Variants in CDH12 observed in about 807,000 individuals in gnomAD.
The protein encoded by CDH12 is cadherin 12, also known as cadherin-12.
In CDH12, 41 loss-of-function variants were observed where a neutral mutation model predicts 74.1. The ratio of observed to expected loss-of-function variants is 0.55; its 90% CI spans 0.43 to 0.72. CDH12 has a LOEUF of 0.72. Ranked by LOEUF, CDH12 falls within the 30% of genes least tolerant of loss-of-function variation. CDH12 has a pLI of 0.00. For synonymous variants in CDH12, 399 were observed against 355.0 expected, an observed-to-expected ratio of 1.12 and a Z score of -1.39; for missense variants, 945 against 977.2, an observed-to-expected ratio of 0.97 and a Z score of 0.44.
intron 3 of CDH12, among the ~76,000 whole-genome samples, chr5:22,274,832 T>C (rs554013141): frequency 9.2e-5 from 14 of 152,258 alleles, no homozygotes; most frequent in African/African-American, 3.1e-4. Flanking sequence ...TTAAAAGTTA[T>C]ATGCATCTTA....
At chr5:21,844,035 C>T (rs1013210905) in intron 7 of CDH12, among the ~76,000 whole-genome samples, 1 of 152,186 alleles carries the variant, frequency 6.6e-6, no homozygotes, top group Admixed American at 6.6e-5. Flanking sequence ...ATCCAACAGT[C>T]TATTTCTATA....
At chr5:22,347,246 C>A (rs1340371528) in intron 3 of CDH12, among the ~76,000 whole-genome samples, 1 of 152,100 alleles carries the variant, frequency 6.6e-6, no homozygotes, top group Non-Finnish European at 1.5e-5. Context: ...GAGGGAGACC[C>A]ATCCTCAATC....
chr5:22,394,158 C>A (rs1406761756), intron 3 of CDH12, among the ~76,000 whole-genome samples: 2 of 152,036 alleles, frequency 1.3e-5, no homozygotes, highest in Non-Finnish European at 2.9e-5. Context: ...ACTGGACAAC[C>A]TTCTGCCAAA....
intron 3 of CDH12, among the ~76,000 whole-genome samples, chr5:22,294,467 CA>C (rs1456892392): frequency 6.6e-6 from 1 of 152,122 alleles, no homozygotes; most frequent in Non-Finnish European, 1.5e-5. Context: ...ATGTGTAGTA[CA>C]ATTGAAGTAT....
At chr5:22,295,544 T>TG (rs1267628012) in intron 3 of CDH12, among the ~76,000 whole-genome samples, 3 of 152,236 alleles carry the variant, frequency 2.0e-5, no homozygotes, top group African/African-American at 7.2e-5. Flanking sequence ...CACCAATGCC[T>TG]GGGGGAATAT....
At chr5:22,568,403 T>A (rs960521741) in intron 1 of CDH12, among the ~76,000 whole-genome samples, 1 of 152,212 alleles carries the variant, frequency 6.6e-6, no homozygotes, top group Non-Finnish European at 1.5e-5. Context: ...ATTATATGTC[T>A]ACACTTGATG....
At chr5:22,149,998 A>G (rs1747461967) in intron 4 of CDH12, among the ~76,000 whole-genome samples, 1 of 152,126 alleles carries the variant, frequency 6.6e-6, no homozygotes, top group Non-Finnish European at 1.5e-5. Context: ...AAAAAATAAT[A>G]ATAAATAATA....
At chr5:22,544,331 T>A (rs935576521) in intron 1 of CDH12, among the ~76,000 whole-genome samples, 3 of 152,152 alleles carry the variant, frequency 2.0e-5, no homozygotes, top group African/African-American at 7.2e-5. Context: ...GATAGATTAG[T>A]TCCATATATA....
chr5:21,985,631 T>C (rs1337820270), intron 5 of CDH12, among the ~76,000 whole-genome samples: 1 of 152,106 alleles, frequency 6.6e-6, no homozygotes, highest in Non-Finnish European at 1.5e-5. Context: ...ATAAGAAAAT[T>C]TTGCGTGAGT....
intron 1 of CDH12, among the ~76,000 whole-genome samples, chr5:22,705,017 A>AAT (rs896031535): frequency 6.6e-5 from 10 of 151,620 alleles, no homozygotes; most frequent in African/African-American, 2.4e-4. Context: ...CATGGATCTG[A>AAT]ATATATATAT....
chr5:21,917,199 G>C (rs1056900315), intron 6 of CDH12, among the ~76,000 whole-genome samples: 1 of 152,122 alleles, frequency 6.6e-6, no homozygotes, highest in African/African-American at 2.4e-5. Flanking sequence ...TGGCTTGAGG[G>C]ACATGGGGAG....
chr5:21,857,597 T>C (rs965644506), intron 6 of CDH12, among the ~76,000 whole-genome samples: 1 of 151,858 alleles, frequency 6.6e-6, no homozygotes, highest in South Asian at 2.1e-4. Flanking sequence ...TTTATAAAAC[T>C]ATGATAAAGC....
chr5:22,580,046 C>A (rs1455804429), intron 1 of CDH12, among the ~76,000 whole-genome samples: 1 of 152,074 alleles, frequency 6.6e-6, no homozygotes, highest in Non-Finnish European at 1.5e-5. Flanking sequence ...ATGATATCAC[C>A]TTTTTAGCCA....
chr5:21,869,721 C>T (rs1006881634), intron 6 of CDH12, among the ~76,000 whole-genome samples: 1 of 152,004 alleles, frequency 6.6e-6, no homozygotes, highest in Admixed American at 6.6e-5. Context: ...ACAAAGGATA[C>T]TTGTATCATA....
chr5:21,897,442 G>A (rs187854601), intron 6 of CDH12, among the ~76,000 whole-genome samples: 2 of 152,284 alleles, frequency 1.3e-5, no homozygotes, highest in Admixed American at 1.3e-4. Flanking sequence ...TCAAATGTCT[G>A]TTACGTTGAA....
At chr5:22,185,166 G>A (rs1270998934) in intron 4 of CDH12, among the ~76,000 whole-genome samples, 1 of 150,456 alleles carries the variant, frequency 6.6e-6, no homozygotes, top group Non-Finnish European at 1.5e-5. Context: ...TTCATCTGCA[G>A]AAAGAAACAG....
intron 1 of CDH12, among the ~76,000 whole-genome samples, chr5:22,835,836 T>G (rs1222216911): frequency 6.6e-6 from 1 of 152,190 alleles, no homozygotes; most frequent in Non-Finnish European, 1.5e-5. Flanking sequence ...ATACTTGGCA[T>G]GGCCCTGGGA....
chr5:22,570,726 G>T (rs185816061), intron 1 of CDH12, among the ~76,000 whole-genome samples: 10 of 152,294 alleles, frequency 6.6e-5, no homozygotes, highest in Non-Finnish European at 7.3e-5. Flanking sequence ...CTTAAAGTCA[G>T]CAGCTGTATT....
chr5:22,442,741 C>A (rs1434182090), intron 2 of CDH12, among the ~76,000 whole-genome samples: 1 of 151,902 alleles, frequency 6.6e-6, no homozygotes, highest in Non-Finnish European at 1.5e-5. Flanking sequence ...GGAAAAGAAG[C>A]CTGGAGTCTT....
Sources: allele counts gnomAD v4.1 joint callset (sites outside exome capture counted in the v4.1 genomes callset), GRCh38; gene constraint gnomAD v4.1.1; transcripts MANE v1.5; gene names NCBI Gene and HGNC (gene_info 2026-07-23, HGNC 2026-07-21).